The following CFAP20DC variants were observed in gnomAD, a reference collection of about 807,000 sequenced individuals.
CFAP20DC encodes the protein protein CFAP20DC.
CFAP20DC carries 84 observed loss-of-function variants against 101.7 expected under a neutral mutation model. The ratio of observed to expected loss-of-function variants is 0.83; its 90% CI spans 0.69 to 0.99. CFAP20DC has a LOEUF of 0.99. Ranked by LOEUF, CFAP20DC falls within the 50% of genes least tolerant of loss-of-function variation. The probability of loss-of-function intolerance (pLI) is 0.00; values close to 1 mark genes in which losing one functional copy is unlikely to be tolerated. For missense variants in CFAP20DC, 1,007 were observed against 970.3 expected (o/e 1.04, Z -0.50); for synonymous variants, 359 against 351.2 (o/e 1.02, Z -0.25).
In CFAP20DC at chr3:58,863,370, T is replaced by C; in HGVS notation, c.1593+188A>G. ...AAAGTGAAATTGGCTGACTGTTAAT[T>C]AAAAAAAAAAAAAGACAGTTTAAAG... On this transcript the variant is annotated intron_variant, in intron 12 of 16. Coordinates refer to ENST00000482387, the MANE Select transcript of CFAP20DC (RefSeq NM_001394063.1). This position sits in a 1 kb window ranked among gnomAD's most constrained non-coding sequence, Gnocchi z 5.9. The C allele has an allele frequency of 8.7e-7, 1 of 1,147,292 alleles. No homozygotes were observed. The highest frequency in any genetic ancestry group is 1.1e-6 in the Non-Finnish European group (1 of 879,234). The allele number at this position is 1,147,292 out of a possible 1,614,324, so 71.1% of individuals were successfully genotyped here.
chr3:58,811,495 T>C (rs1338329359), intron 14 of CFAP20DC, among the ~76,000 whole-genome samples: 4 of 152,174 alleles, frequency 2.6e-5, no homozygotes, highest in Non-Finnish European at 5.9e-5. Flanking sequence ...GAAAACTGGC[T>C]AGCCATATGT....
chr3:58,870,406 G>A, intron 7 of CFAP20DC, 97 bp from the exon 8 acceptor site: 1 of 1,216,116 alleles, frequency 8.2e-7, no homozygotes, highest in Non-Finnish European at 1.2e-6. Flanking sequence ...GGTGCCATAG[G>A]ATCCAAATCC....
At chr3:58,778,642 C>T (rs2071552842) in intron 15 of CFAP20DC, among the ~76,000 whole-genome samples, 4 of 152,246 alleles carry the variant, frequency 2.6e-5, no homozygotes, top group African/African-American at 7.2e-5. Context: ...AAGTAAGCCA[C>T]TTAGAGGCCC....
chr3:58,930,086 T>G (rs1350534073), intron 5 of CFAP20DC, among the ~76,000 whole-genome samples: 2 of 152,216 alleles, frequency 1.3e-5, no homozygotes, highest in Admixed American at 1.3e-4. Context: ...GGGCCTTCTC[T>G]GACCACTCTC....
chr3:58,916,767 T>C (rs1039587296), intron 5 of CFAP20DC, among the ~76,000 whole-genome samples: 1 of 152,152 alleles, frequency 6.6e-6, no homozygotes, highest in African/African-American at 2.4e-5. Context: ...TTGATTTAGC[T>C]GATATTGATA....
chr3:58,990,437 C>A (rs1179073338), intron 4 of CFAP20DC, among the ~76,000 whole-genome samples: 2 of 152,100 alleles, frequency 1.3e-5, no homozygotes, highest in Non-Finnish European at 2.9e-5. Context: ...CTGAGGAGTT[C>A]TTTGAAATAC....
In CFAP20DC at chr3:58,788,633, C is replaced by G. The variant is rs78235847; in HGVS notation, c.2237+17762G>C. Among the ~76,000 whole-genome samples, 2,366 of 152,066 alleles carry G rather than the reference C, an allele frequency of 0.016. 64 individuals are homozygous for G. Among genetic ancestry groups the G allele is most frequent in the East Asian group, 0.12 (614 of 5,162 alleles). On this transcript the variant is annotated intron_variant, in intron 15 of 16. Transcript: ENST00000482387. This position sits in a 1 kb window ranked among gnomAD's most constrained non-coding sequence, Gnocchi z 4.2. ...ACTACCACCACCACAGTGGAAAACA[C>G]TTTGACAATCCAATGTGGAACTGTA... is the stretch of plus-strand genomic sequence containing the variant.
intron 3 of CFAP20DC, 23 bp from the exon 4 acceptor site, chr3:59,039,652 A>G (rs2094163388): frequency 7.0e-6 from 10 of 1,429,236 alleles, no homozygotes; most frequent in Non-Finnish European, 9.4e-6. Flanking sequence ...GGAAATACAC[A>G]TTCAAATGTT....
At chr3:58,949,901 GT>G (rs2089891712) in intron 4 of CFAP20DC, among the ~76,000 whole-genome samples, 1 of 152,112 alleles carries the variant, frequency 6.6e-6, no homozygotes, top group African/African-American at 2.4e-5. Context: ...ATTCAACATA[GT>G]GTTGGAAGTT....
intron 15 of CFAP20DC, among the ~76,000 whole-genome samples, chr3:58,777,027 A>G (rs898619119): frequency 7.9e-5 from 12 of 151,938 alleles, no homozygotes; most frequent in African/African-American, 1.9e-4. Context: ...CCTGCCTCCC[A>G]TTCTATTCCT....
chr3:58,824,387 C>G (rs2075894535), intron 14 of CFAP20DC: 1 of 152,140 alleles, frequency 6.6e-6, no homozygotes, highest in African/African-American at 2.4e-5. Context: ...AACTCAGGAC[C>G]TCGGCCTTTT....
intron 15 of CFAP20DC, among the ~76,000 whole-genome samples, chr3:58,767,422 T>A (rs1443554890): frequency 6.6e-6 from 1 of 152,148 alleles, no homozygotes; most frequent in African/African-American, 2.4e-5. Context: ...ACTAAGAAAA[T>A]TTGTGTTCCT....
chr3:59,049,498 G>A, intron 1 of CFAP20DC, 113 bp downstream of exon 1: 1 of 1,043,942 alleles, frequency 9.6e-7, no homozygotes, highest in Non-Finnish European at 1.4e-6. Flanking sequence ...TCTTACCCCT[G>A]AAAAAGACCT....
intron 4 of CFAP20DC, among the ~76,000 whole-genome samples, chr3:58,965,458 A>C (rs2091457344): frequency 6.6e-6 from 1 of 152,112 alleles, no homozygotes; most frequent in Non-Finnish European, 1.5e-5. Context: ...CTTTTTTTTA[A>C]ATTGTTCAAA....
Position 58,856,996 on chromosome 3 carries a change from G to A in CFAP20DC, c.1593+6562C>T, listed in dbSNP as rs2078889483. On this transcript the variant is annotated intron_variant, in intron 12 of 16. Transcript: ENST00000482387. ...TCTGTATATGACGTAGGTAGAAACT[G>A]GAGGTGTTTTCAGTAAACATTAATG... is the stretch of plus-strand genomic sequence containing the variant. Among the ~76,000 whole-genome samples the A allele has an allele frequency of 1.3e-5, 2 of 152,120 alleles. 1 individual carries two copies. The highest frequency in any genetic ancestry group is 4.1e-4 in the South Asian group (2 of 4,822).
At chr3:58,723,024 C>A (rs948723059) in intron 3 of CFAP20DC, among the ~76,000 whole-genome samples, 1 of 152,154 alleles carries the variant, frequency 6.6e-6, no homozygotes, top group African/African-American at 2.4e-5. Context: ...CCTGATCACC[C>A]GAAATACTAG....
chr3:59,036,850 C>G (rs2094112861), intron 4 of CFAP20DC, among the ~76,000 whole-genome samples: 3 of 152,162 alleles, frequency 2.0e-5, no homozygotes, highest in African/African-American at 7.2e-5. Context: ...AAGAACAAAG[C>G]TGGAGGCATC....
At chr3:58,725,667 C>T (rs1456902612) in intron 3 of CFAP20DC, among the ~76,000 whole-genome samples, 1 of 152,172 alleles carries the variant, frequency 6.6e-6, no homozygotes, top group African/African-American at 2.4e-5. Context: ...AGCTGGTTGG[C>T]TGAGTCATTG....
At chr3:58,890,221 G>T (rs1460554113) in intron 6 of CFAP20DC, among the ~76,000 whole-genome samples, 1 of 150,128 alleles carries the variant, frequency 6.7e-6, no homozygotes, top group Non-Finnish European at 1.5e-5. Context: ...GCGGCTGGCC[G>T]GGCAGAGGGG....
Sources: allele counts gnomAD v4.1 joint callset (sites outside exome capture counted in the v4.1 genomes callset), GRCh38; gene constraint gnomAD v4.1.1; non-coding constraint Gnocchi (gnomAD v3.1); transcripts MANE v1.5; gene names NCBI Gene and HGNC (gene_info 2026-07-23, HGNC 2026-07-21).